Variants in TRIP12 observed in about 807,000 individuals in gnomAD.
The protein encoded by TRIP12 is E3 ubiquitin-protein ligase TRIP12.
Under a neutral mutation model 244.2 loss-of-function variants are expected in TRIP12, and 25 were observed. The ratio of observed to expected loss-of-function variants is 0.10; its 90% CI spans 0.07 to 0.14. The LOEUF (loss-of-function observed/expected upper bound fraction) is 0.14. TRIP12 is among the 10% of genes least tolerant of loss of function. TRIP12 has a pLI of 1.00. For synonymous variants in TRIP12, 905 were observed against 873.1 expected, an observed-to-expected ratio of 1.04 and a Z score of -0.64; for missense variants, 1,677 against 2,486.4, an observed-to-expected ratio of 0.67 and a Z score of 6.92.
Position 229,773,851 on chromosome 2 carries a change from C to T in TRIP12, c.5694+246G>A, listed in dbSNP as rs978747053. On this transcript the variant is annotated intron_variant, in intron 38 of 41. Transcript: ENST00000675903. ...TCACTTGTTTTTTAAACTAAGAAAA[C>T]GTGGTGTAATTAGATAGCATTCAAG... 1.8e-5 allele frequency: 6 copies of T among 330,938 alleles called. No individual in the cohort carries two copies. In the South Asian group the frequency reaches 2.8e-4, roughly 16 times the overall value. The allele number at this position is 330,938 out of a possible 1,614,324, so 20.5% of individuals were successfully genotyped here. A position where few individuals can be genotyped will look rare whatever the true frequency, so the allele number is the denominator to read the frequency against.
intron 34 of TRIP12, 105 bp from the exon 35 acceptor site, chr2:229,779,095 G>T: frequency 3.4e-6 from 3 of 887,602 alleles, no homozygotes; most frequent in South Asian, 1.5e-5. Context: ...TTACCAGGAT[G>T]CATTAGAGAT....
At chr2:229,791,004 A>G in intron 30 of TRIP12, 120 bp downstream of exon 30, 1 of 1,293,528 alleles carries the variant, frequency 7.7e-7, no homozygotes, top group South Asian at 1.4e-5. Context: ...TTGTAATGTC[A>G]TTTATTTCTC....
chr2:229,818,443 A>C lies in TRIP12; in HGVS notation c.1520T>G (p.Ile507Ser), dbSNP rs1335562943. The C allele has an allele frequency of 6.2e-7, 1 of 1,614,100 alleles. No individual in the cohort carries two copies. Among genetic ancestry groups the C allele is most frequent in the African/African-American group, 1.3e-5 (1 of 75,062 alleles). Reference protein sequence around the residue: ...SDESQQLQAVIEMCQLLVMGN... With the variant: ...SDESQQLQAVSEMCQLLVMGN... ...CATGACCAGTAACTGACACATCTCA[A>C]TAACTGCCTGAAGCTGTTGACTTTC... The change falls in exon 9 of 42, where the codon ATT (isoleucine) becomes AGT (serine). Residue 507 changes from isoleucine (I) to serine (S), a missense_variant. This residue lies in a region of TRIP12 where 5 missense variants were observed against 28.4 expected (regional missense o/e 0.18). Transcript: ENST00000675903.
At chr2:229,880,165 T>C in intron 1 of TRIP12, 37 bp from the exon 2 acceptor site, 7 of 1,237,882 alleles carry the variant, frequency 5.7e-6, no homozygotes, top group Non-Finnish European at 8.0e-6. Context: ...TTATCAGATG[T>C]ACAAAATACA....
chr2:229,889,010 A>T (rs1185594103), intron 1 of TRIP12, among the ~76,000 whole-genome samples: 2 of 152,198 alleles, frequency 1.3e-5, no homozygotes, highest in African/African-American at 4.8e-5. Context: ...TGTCGTTTTT[A>T]AAAAAATAAA....
intron 13 of TRIP12, among the ~76,000 whole-genome samples, chr2:229,813,188 C>T (rs1575394266): frequency 1.3e-5 from 2 of 152,240 alleles, no homozygotes; most frequent in African/African-American, 4.8e-5. Context: ...TGGTCTTAAC[C>T]CATATTCTCC....
At chr2:229,827,163 C>A (rs2154295499) in intron 8 of TRIP12, among the ~76,000 whole-genome samples, 1 of 151,916 alleles carries the variant, frequency 6.6e-6, no homozygotes, top group East Asian at 1.9e-4. Flanking sequence ...GCCTGTAGTC[C>A]CAGCTACTGG....
chr2:229,814,138 T>C (rs2047930310), intron 12 of TRIP12, 95 bp downstream of exon 12: 9 of 1,531,192 alleles, frequency 5.9e-6, no homozygotes, highest in Non-Finnish European at 8.0e-6. Context: ...AACATTTGTA[T>C]CTTACAAAAA....
chr2:229,867,460 C>T (rs925161599), intron 2 of TRIP12, among the ~76,000 whole-genome samples: 7 of 151,774 alleles, frequency 4.6e-5, no homozygotes, highest in Non-Finnish European at 8.8e-5. Context: ...CCACTGTGCC[C>T]GGCCAAAATA....
chr2:229,901,664 CCTA>C (rs1173423861), intron 1 of TRIP12, among the ~76,000 whole-genome samples: 1 of 151,708 alleles, frequency 6.6e-6, no homozygotes, highest in Non-Finnish European at 1.5e-5. Context: ...TTACTGTTAC[CCTA>C]CTTCAGAACA....
chr2:229,892,479 A>G (rs1475833075), intron 1 of TRIP12, among the ~76,000 whole-genome samples: 1 of 152,208 alleles, frequency 6.6e-6, no homozygotes, highest in African/African-American at 2.4e-5. Flanking sequence ...GAAAAATTTC[A>G]TAACTAAGCC....
chr2:229,824,646 TGAAGAGTGAACAC>T, intron 8 of TRIP12, among the ~76,000 whole-genome samples: 1 of 152,292 alleles, frequency 6.6e-6, no homozygotes, highest in African/African-American at 2.4e-5. Flanking sequence ...GTGGCAGCTA[TGAAGAGTGAACAC>T]GAAGAGTGAA....
At chr2:229,909,174 G>A (rs2073724619) in intron 1 of TRIP12, among the ~76,000 whole-genome samples, 1 of 151,996 alleles carries the variant, frequency 6.6e-6, no homozygotes, top group Non-Finnish European at 1.5e-5. Flanking sequence ...CCAGGCCAAG[G>A]ACTACATTTT....
intron 34 of TRIP12, among the ~76,000 whole-genome samples, chr2:229,782,137 A>C (rs114991068): frequency 0.013 from 1,977 of 152,280 alleles, 39 homozygotes; most frequent in African/African-American, 0.046. Context: ...GGTTAGAGCA[A>C]AGGTCCTGCA....
At chr2:229,879,055 C>A (rs2064272572) in intron 2 of TRIP12, among the ~76,000 whole-genome samples, 2 of 151,920 alleles carry the variant, frequency 1.3e-5, no homozygotes, top group African/African-American at 4.8e-5. Context: ...GAGTTTGAGA[C>A]CAGCTTGGCC....
chr2:229,877,404 C>T (rs908952089), intron 2 of TRIP12, among the ~76,000 whole-genome samples: 5 of 152,138 alleles, frequency 3.3e-5, no homozygotes, highest in African/African-American at 9.7e-5. Flanking sequence ...GTGGCAGGCG[C>T]CTGTAATCCC....
intron 1 of TRIP12, among the ~76,000 whole-genome samples, chr2:229,890,264 G>C (rs1235949560): frequency 1.3e-5 from 2 of 151,912 alleles, no homozygotes; most frequent in African/African-American, 4.8e-5. Flanking sequence ...ATTTTTAGTA[G>C]AGATGGGGCT....
chr2:229,833,462 A>AT (rs944510457), intron 6 of TRIP12, among the ~76,000 whole-genome samples: 54 of 151,796 alleles, frequency 3.6e-4, no homozygotes, highest in Admixed American at 1.6e-3. Context: ...TAAGTTTTGT[A>AT]TTTTTTTGTA....
At chr2:229,922,450 C>A, upstream of TRIP12, 2 of 1,530,456 alleles carry the variant, frequency 1.3e-6, no homozygotes. Context: ...GGGTTTTGGC[C>A]CCTTGACCCC....
Sources: allele counts gnomAD v4.1 joint callset (sites outside exome capture counted in the v4.1 genomes callset), GRCh38; gene constraint gnomAD v4.1.1; regional missense constraint gnomAD v4.1.1; transcripts MANE v1.5; gene names NCBI Gene and HGNC (gene_info 2026-07-23, HGNC 2026-07-21).